RGS5: variants seen among roughly 807,000 people sequenced by gnomAD.
The protein encoded by RGS5 is regulator of G-protein signalling 5.
In RGS5, 20 loss-of-function variants were observed where a neutral mutation model predicts 18.9. The observed-to-expected ratio is 1.06, with a 90% CI of 0.74 to 1.54. RGS5 has a LOEUF of 1.54. Among genes scored for constraint, RGS5 ranks in the 40% most tolerant of loss-of-function variants. RGS5 has a pLI of 0.00. For synonymous variants in RGS5, 57 were observed against 76.2 expected (o/e 0.75, Z 1.31); for missense variants, 201 against 211.8 (o/e 0.95, Z 0.32).
chr1:163,245,369 T>C (rs552618542), intron 2 of RGS5, among the ~76,000 whole-genome samples: 1 of 152,356 alleles, frequency 6.6e-6, no homozygotes, highest in Admixed American at 6.5e-5. Context: ...TGACAACTTG[T>C]TGAAAACATT....
At chr1:163,251,877 T>C (rs546107789) in intron 2 of RGS5, among the ~76,000 whole-genome samples, 3 of 152,316 alleles carry the variant, frequency 2.0e-5, no homozygotes, top group Admixed American at 2.0e-4. Context: ...GCTATGTATA[T>C]ACCACCATTT....
intron 2 of RGS5, chr1:163,266,643 A>G (rs1406016426): frequency 6.6e-6 from 1 of 152,132 alleles, no homozygotes; most frequent in Admixed American, 6.6e-5. Context: ...ATGTCACTCC[A>G]TCTACCACAC....
chr1:163,281,058 G>C (rs1648979107), intron 2 of RGS5, among the ~76,000 whole-genome samples: 1 of 152,118 alleles, frequency 6.6e-6, no homozygotes, highest in Admixed American at 6.6e-5. Flanking sequence ...CCTTGGAATA[G>C]TGAATGGGTC....
chr1:163,223,802 C>G (rs1042122166), intron 2 of RGS5, among the ~76,000 whole-genome samples: 2 of 152,192 alleles, frequency 1.3e-5, no homozygotes, highest in Non-Finnish European at 2.9e-5. Context: ...AGCGTATAAA[C>G]TATTTCCTCC....
chr1:163,222,871 A>G (rs1647257780), intron 2 of RGS5, among the ~76,000 whole-genome samples: 1 of 151,974 alleles, frequency 6.6e-6, no homozygotes, highest in African/African-American at 2.4e-5. Context: ...ATTTATTTAT[A>G]TATTTTTTAA....
chr1:163,147,623 CTG>C (rs1416051296), intron 4 of RGS5, 120 bp from the exon 5 acceptor site: 1 of 910,738 alleles, frequency 1.1e-6, no homozygotes, highest in Non-Finnish European at 1.6e-6. Context: ...TCATTAAAAA[CTG>C]AGACATGTCA....
intron 2 of RGS5, among the ~76,000 whole-genome samples, chr1:163,245,412 C>T (rs751186449): frequency 1.1e-4 from 16 of 152,218 alleles, no homozygotes; most frequent in Admixed American, 4.6e-4. Flanking sequence ...TCCAAGAAAC[C>T]TATCTATATT....
intron 2 of RGS5, among the ~76,000 whole-genome samples, chr1:163,305,678 T>G (rs1247903734): frequency 6.6e-6 from 1 of 152,200 alleles, no homozygotes; most frequent in African/African-American, 2.4e-5. Context: ...CTCTTCATGC[T>G]CCACTGTACT....
At chr1:163,311,945 G>A (rs948786589) in intron 1 of RGS5, among the ~76,000 whole-genome samples, 2 of 152,128 alleles carry the variant, frequency 1.3e-5, no homozygotes, top group Non-Finnish European at 2.9e-5. Context: ...ATGAAGTGAA[G>A]TGCAATAAAA....
intron 1 of RGS5, among the ~76,000 whole-genome samples, chr1:163,172,129 T>C (rs191774352): frequency 1.9e-3 from 286 of 152,306 alleles, no homozygotes; most frequent in Non-Finnish European, 3.4e-3. Context: ...AGAAAGCCCA[T>C]TCAAAGAAGT....
chr1:163,266,609 A>G (rs1270201692), intron 2 of RGS5: 1 of 152,120 alleles, frequency 6.6e-6, no homozygotes, highest in Admixed American at 6.6e-5. Flanking sequence ...TCAGCTCAAA[A>G]TTCACTTTTC....
chr1:163,192,900 C>G (rs1659414058), intron 1 of RGS5, among the ~76,000 whole-genome samples: 2 of 152,166 alleles, frequency 1.3e-5, no homozygotes, highest in Admixed American at 6.5e-5. Context: ...CTTAAAATAA[C>G]TTGCCAAAAT....
intron 1 of RGS5, among the ~76,000 whole-genome samples, chr1:163,320,984 TCTC>T (rs1297305537): frequency 6.6e-6 from 1 of 152,156 alleles, no homozygotes; most frequent in Non-Finnish European, 1.5e-5. Flanking sequence ...TATTACGTCT[TCTC>T]CTGTCCCAAA....
At chr1:163,168,804 C>T (rs1183595891) in intron 1 of RGS5, among the ~76,000 whole-genome samples, 1 of 152,116 alleles carries the variant, frequency 6.6e-6, no homozygotes, top group Admixed American at 6.6e-5. Flanking sequence ...TACTAGTCTT[C>T]TGAGGGCTCT....
At chr1:163,315,447 C>G (rs1456031190) in intron 1 of RGS5, among the ~76,000 whole-genome samples, 1 of 152,098 alleles carries the variant, frequency 6.6e-6, no homozygotes. Context: ...TTAAGAATAT[C>G]TAATTTGTTT....
chr1:163,269,828 CTG>C (rs1648671402), intron 2 of RGS5, among the ~76,000 whole-genome samples: 1 of 152,062 alleles, frequency 6.6e-6, no homozygotes, highest in Non-Finnish European at 1.5e-5. Flanking sequence ...ATTGAATTGA[CTG>C]TCTTTTCTAG....
intron 2 of RGS5, among the ~76,000 whole-genome samples, chr1:163,290,083 A>T (rs563622586): frequency 9.8e-5 from 15 of 152,308 alleles, no homozygotes; most frequent in African/African-American, 3.6e-4. Context: ...AGGGTGGGAT[A>T]GCCAGCTTCT....
intron 1 of RGS5, among the ~76,000 whole-genome samples, chr1:163,175,914 G>T (rs765267719): frequency 6.6e-6 from 1 of 152,142 alleles, no homozygotes; most frequent in Non-Finnish European, 1.5e-5. Flanking sequence ...AATGTGTTAT[G>T]ATATGACTTC....
chr1:163,178,194 C>A (rs1658649005), intron 1 of RGS5, among the ~76,000 whole-genome samples: 2 of 152,032 alleles, frequency 1.3e-5, no homozygotes, highest in African/African-American at 4.8e-5. Flanking sequence ...GCCTGTAGTC[C>A]CAGCTACTAG....
Sources: gnomAD v4.1 joint callset for allele counts (sites outside exome capture counted in the v4.1 genomes callset) on GRCh38, gnomAD v4.1.1 for gene constraint, MANE v1.5 for transcripts, NCBI Gene and HGNC (gene_info 2026-07-23, HGNC 2026-07-21) for gene names.